IFT80: variants seen among roughly 807,000 people sequenced by gnomAD.
IFT80 encodes the protein intraflagellar transport protein 80 homolog.
Under a neutral mutation model 107.9 loss-of-function variants are expected in IFT80, and 79 were observed. The observed-to-expected ratio is 0.73, with a 90% CI of 0.61 to 0.88. The LOEUF (loss-of-function observed/expected upper bound fraction) is 0.88, where lower values mean the gene tolerates loss of function less well. Ranked by LOEUF, IFT80 falls within the 40% of genes least tolerant of loss-of-function variation. The probability of loss-of-function intolerance (pLI) is 0.00; values close to 1 mark genes in which losing one functional copy is unlikely to be tolerated. For synonymous variants in IFT80, 299 were observed against 300.9 expected (o/e 0.99, Z 0.07); for missense variants, 797 against 914.2 (o/e 0.87, Z 1.65).
At chr3:160,345,832 T>C (rs775236286) in intron 8 of IFT80, among the ~76,000 whole-genome samples, 7 of 152,094 alleles carry the variant, frequency 4.6e-5, no homozygotes, top group Non-Finnish European at 7.4e-5. Context: ...TATTATTTGA[T>C]AGTACAACAG....
chr3:160,290,452 C>T (rs1027002872), intron 12 of IFT80, among the ~76,000 whole-genome samples: 1 of 151,212 alleles, frequency 6.6e-6, no homozygotes, highest in Non-Finnish European at 1.5e-5. Flanking sequence ...AAAGAAAGTC[C>T]TAATGGGAGT....
At chr3:160,395,999 T>G (rs985646391) in intron 1 of IFT80, among the ~76,000 whole-genome samples, 2 of 152,118 alleles carry the variant, frequency 1.3e-5, no homozygotes, top group Non-Finnish European at 2.9e-5. Flanking sequence ...CTTAAAAACC[T>G]AACCTATTTT....
intron 10 of IFT80, among the ~76,000 whole-genome samples, chr3:160,306,432 T>C (rs1440509999): frequency 1.3e-5 from 2 of 152,138 alleles, no homozygotes. Context: ...CCCTGCCCCA[T>C]GAAAATTAAT....
chr3:160,277,053 T>C (rs1027303838), intron 18 of IFT80, among the ~76,000 whole-genome samples: 7 of 152,224 alleles, frequency 4.6e-5, no homozygotes, highest in Non-Finnish European at 4.4e-5. Context: ...TATGGTGTCA[T>C]GATCTCTCCA....
intron 9 of IFT80, among the ~76,000 whole-genome samples, chr3:160,308,984 A>T (rs1252048661): frequency 6.6e-6 from 1 of 152,204 alleles, no homozygotes; most frequent in Non-Finnish European, 1.5e-5. Flanking sequence ...CCAGACACTA[A>T]ATCTGCTGGC....
chr3:160,353,916 A>T (rs1006716152), intron 8 of IFT80, among the ~76,000 whole-genome samples: 18 of 152,212 alleles, frequency 1.2e-4, no homozygotes, highest in African/African-American at 4.3e-4. Flanking sequence ...CTAGATGCCT[A>T]ACGAGGTAAA....
At chr3:160,268,301 T>C (rs1167835826) in intron 19 of IFT80, 112 bp downstream of exon 19, 1 of 948,290 alleles carries the variant, frequency 1.1e-6, no homozygotes, top group Non-Finnish European at 1.6e-6. Flanking sequence ...GTAATTCTTT[T>C]AGAGGTTAAA....
chr3:160,324,506 T>TA (rs1030922120), intron 8 of IFT80, among the ~76,000 whole-genome samples: 17 of 151,960 alleles, frequency 1.1e-4, no homozygotes, highest in African/African-American at 3.6e-4. Context: ...ATCCAGCATA[T>TA]AAACAGAACC....
At chr3:160,287,191 C>G (rs1715159399) in intron 12 of IFT80, among the ~76,000 whole-genome samples, 1 of 151,896 alleles carries the variant, frequency 6.6e-6, no homozygotes, top group Non-Finnish European at 1.5e-5. Flanking sequence ...CACAGAAACT[C>G]TGTGTCTATC....
chr3:160,352,085 G>T (rs1380818247), intron 8 of IFT80, among the ~76,000 whole-genome samples: 1 of 150,324 alleles, frequency 6.7e-6, no homozygotes, highest in Non-Finnish European at 1.5e-5. Context: ...GTGCGATCTT[G>T]GCTCACTGCA....
intron 5 of IFT80, among the ~76,000 whole-genome samples, chr3:160,369,012 C>T (rs1722056436): frequency 6.6e-6 from 1 of 151,854 alleles, no homozygotes; most frequent in Non-Finnish European, 1.5e-5. Flanking sequence ...ACTCTTTAGT[C>T]CTCTTAACTT....
chr3:160,290,547 C>T (rs1715473967), intron 12 of IFT80, among the ~76,000 whole-genome samples: 1 of 150,942 alleles, frequency 6.6e-6, no homozygotes, highest in African/African-American at 2.4e-5. Context: ...ATATTTAAAA[C>T]AAGCTTTGGT....
intron 10 of IFT80, 140 bp downstream of exon 10, chr3:160,307,523 G>T: frequency 1.4e-6 from 1 of 708,774 alleles, no homozygotes. Context: ...TCTCACTTCC[G>T]GGTTTGAGGT....
chr3:160,330,881 A>C (rs903545203), intron 8 of IFT80, among the ~76,000 whole-genome samples: 7 of 152,178 alleles, frequency 4.6e-5, no homozygotes, highest in Non-Finnish European at 1.0e-4. Context: ...ATATTTCAGT[A>C]TACAGTAGTC....
chr3:160,258,206 C>T lies in IFT80; in HGVS notation c.*319G>A, dbSNP rs949785139. The T allele has an allele frequency of 3.2e-5, 10 of 311,082 alleles. No individual in the cohort carries two copies. Among genetic ancestry groups the T allele is most frequent in the African/African-American group, 6.5e-5 (3 of 46,016 alleles). The allele number at this position is 311,082 out of a possible 1,614,324, so 19.3% of individuals were successfully genotyped here. On this transcript the variant is annotated 3_prime_UTR_variant, in exon 20 of 20. Coordinates refer to ENST00000326448, the MANE Select transcript of IFT80 (RefSeq NM_020800.3). ...TTCAAAGAGTCCAATGTTTTATTATCGACATTAATATTTGTTCATGCTGAA... is the reference window on the plus strand; with the variant it reads ...TTCAAAGAGTCCAATGTTTTATTATTGACATTAATATTTGTTCATGCTGAA...
At chr3:160,269,323 A>G (rs1165242753) in intron 18 of IFT80, among the ~76,000 whole-genome samples, 1 of 152,132 alleles carries the variant, frequency 6.6e-6, no homozygotes, top group Non-Finnish European at 1.5e-5. Context: ...GACCATTTTC[A>G]TAAGTCTATA....
chr3:160,367,107 A>C (rs962094668), intron 5 of IFT80, among the ~76,000 whole-genome samples: 1 of 152,004 alleles, frequency 6.6e-6, no homozygotes, highest in African/African-American at 2.4e-5. Flanking sequence ...AAATTATTGA[A>C]TCTCATTTTT....
intron 5 of IFT80, among the ~76,000 whole-genome samples, chr3:160,367,430 T>G (rs1390593106): frequency 1.3e-5 from 2 of 152,130 alleles, no homozygotes; most frequent in African/African-American, 4.8e-5. Context: ...GCAATAGAAC[T>G]TCCCCTCACA....
At chr3:160,299,317 T>A (rs759201188) in intron 12 of IFT80, 1 of 830,750 alleles carries the variant, frequency 1.2e-6, no homozygotes, top group Non-Finnish European at 1.6e-6. Context: ...AGAGTTATAT[T>A]TCCTGCCAGT....
Sources: allele counts gnomAD v4.1 joint callset (sites outside exome capture counted in the v4.1 genomes callset), GRCh38; gene constraint gnomAD v4.1.1; transcripts MANE v1.5; gene names NCBI Gene and HGNC (gene_info 2026-07-23, HGNC 2026-07-21).